The following SEC14L1 variants were observed in gnomAD, a reference collection of about 807,000 sequenced individuals.
The protein encoded by SEC14L1 is SEC14-like protein 1.
Under a neutral mutation model 85.3 loss-of-function variants are expected in SEC14L1, and 48 were observed. That is an observed-to-expected ratio of 0.56 (90% confidence interval 0.45 to 0.72). The LOEUF is 0.72. SEC14L1 is among the 30% of genes least tolerant of loss of function. SEC14L1 has a pLI of 0.00. For synonymous variants in SEC14L1, 391 were observed against 355.5 expected (o/e 1.10, Z -1.12); for missense variants, 682 against 921.4 (o/e 0.74, Z 3.36).
At position 77,215,552 on chromosome 17, in the gene SEC14L1, G is replaced by A. The variant is rs1029500261; in HGVS notation, c.*1529G>A. ...GGATCAGGAGGGCGGGGGAGGGACCGAGCAGCCCTCTTGCCCGGTCGGGTC... is the reference window on the plus strand; with the variant it reads ...GGATCAGGAGGGCGGGGGAGGGACCAAGCAGCCCTCTTGCCCGGTCGGGTC... On this transcript the variant is annotated 3_prime_UTR_variant, in exon 17 of 17. Transcript: ENST00000436233. 1.1e-5 allele frequency: 11 copies of A among 986,664 alleles called. No homozygotes were observed. In the African/African-American group the frequency reaches 1.2e-4, roughly 11 times the overall value. 61.1% of individuals were successfully genotyped at this position (986,664 alleles called of 1,614,324 possible). A position where few individuals can be genotyped will look rare whatever the true frequency, so the allele number is the denominator to read the frequency against.
In SEC14L1 at chr17:77,123,880, C is replaced by T. The variant is rs117469627; in HGVS notation, c.-135-18766C>T. Among the ~76,000 whole-genome samples, 180 of 152,272 alleles carry T rather than the reference C, an allele frequency of 1.2e-3. 1 individual carries two copies. Among genetic ancestry groups the T allele is most frequent in the East Asian group, 3.9e-3 (20 of 5,182 alleles). The stretch of plus-strand genomic sequence containing the variant: ...TGTAGCGAAACGGATGCCATGTAGA[C>T]GGTCTGTGTGTCCTCTATGGCAGAT... On this transcript the variant is annotated intron_variant, in intron 3 of 19. Transcript: ENST00000392476.
chr17:77,104,820 T>TTTG (rs1971870841), intron 3 of SEC14L1, among the ~76,000 whole-genome samples: 2 of 150,574 alleles, frequency 1.3e-5, no homozygotes, highest in African/African-American at 4.9e-5. Flanking sequence ...AAGTTTTTTT[T>TTTG]TGTGTGTGTG....
intron 3 of SEC14L1, among the ~76,000 whole-genome samples, chr17:77,107,513 A>G (rs1229880044): frequency 2.0e-5 from 3 of 152,210 alleles, no homozygotes; most frequent in African/African-American, 4.8e-5. Flanking sequence ...CTAGTTAATG[A>G]AGACATAGAT....
At chr17:77,108,717 C>T (rs755147111) in intron 3 of SEC14L1, among the ~76,000 whole-genome samples, 13 of 145,422 alleles carry the variant, frequency 8.9e-5, no homozygotes, top group Non-Finnish European at 1.6e-4. Context: ...CCAGTGTGGC[C>T]GACAGAGCCA....
In SEC14L1 at chr17:77,215,737, G is replaced by A. The variant is rs945673116; in HGVS notation, c.*1714G>A. 5 of 988,376 alleles carry A rather than the reference G, an allele frequency of 5.1e-6. No homozygotes were observed. Among genetic ancestry groups the A allele is most frequent in the Admixed American group, 5.9e-5 (1 of 16,922 alleles). 61.2% of individuals were successfully genotyped at this position (988,376 alleles called of 1,614,324 possible). On this transcript the variant is annotated 3_prime_UTR_variant, in exon 17 of 17. Transcript: ENST00000436233. Reference sequence around the variant, plus strand: ...GCGGTAGGGTTCGTAGGTAGGGCTAGTAGGTAGGGTTAGTAGGTAGGGCTA... The same window carrying A: ...GCGGTAGGGTTCGTAGGTAGGGCTAATAGGTAGGGTTAGTAGGTAGGGCTA...
chr17:77,169,419 A>G (rs1974433516), intron 3 of SEC14L1, among the ~76,000 whole-genome samples: 1 of 152,168 alleles, frequency 6.6e-6, no homozygotes, highest in Non-Finnish European at 1.5e-5. Context: ...GAGACTTACC[A>G]TGCAGCTTAT....
chr17:77,203,153 T>C (rs759212760), intron 9 of SEC14L1, among the ~76,000 whole-genome samples: 1 of 152,180 alleles, frequency 6.6e-6, no homozygotes, highest in African/African-American at 2.4e-5. Flanking sequence ...ATAGAAAAAG[T>C]GTCTGGATAG....
intron 3 of SEC14L1, among the ~76,000 whole-genome samples, chr17:77,131,383 C>T (rs886823258): frequency 6.6e-6 from 1 of 152,168 alleles, no homozygotes; most frequent in African/African-American, 2.4e-5. Flanking sequence ...GATTCCCCAG[C>T]CTCAGCCTCC....
intron 6 of SEC14L1, 56 bp downstream of exon 6, chr17:77,193,605 C>T: frequency 6.5e-7 from 1 of 1,549,524 alleles, no homozygotes; most frequent in Admixed American, 1.8e-5. Flanking sequence ...CTGAGATGAC[C>T]ATCTTTTTGG....
In SEC14L1 at chr17:77,203,557, CCCT is replaced by C. The variant is rs1567931384; in HGVS notation, c.1010-8_1010-6del. ...GATGGTGCTGACAACTCATTCCTTCCCCTCCTCTGCAGATGGGCGGCCCCTCTA... is the reference window on the plus strand; with the variant it reads ...GATGGTGCTGACAACTCATTCCTTCCCCTCTGCAGATGGGCGGCCCCTCTA... On this transcript the variant is annotated splice_polypyrimidine_tract_variant and intron_variant, in intron 9 of 16. Coordinates refer to ENST00000436233, the MANE Select transcript of SEC14L1 (RefSeq NM_001143998.2). The C allele has an allele frequency of 6.2e-7, 1 of 1,611,776 alleles. No individual in the cohort carries two copies.
At chr17:77,204,077 C>G (rs1443801876) in intron 10 of SEC14L1, among the ~76,000 whole-genome samples, 1 of 152,190 alleles carries the variant, frequency 6.6e-6, no homozygotes. Flanking sequence ...TCCAGCCAGG[C>G]CCCGCTCCAC....
At chr17:77,096,605 G>T (rs752684561) in intron 3 of SEC14L1, among the ~76,000 whole-genome samples, 3 of 151,816 alleles carry the variant, frequency 2.0e-5, no homozygotes, top group Non-Finnish European at 4.4e-5. Flanking sequence ...AAAAGGTATA[G>T]AAATTAAAGA....
At chr17:77,115,916 CTT>C (rs377514435) in intron 3 of SEC14L1, among the ~76,000 whole-genome samples, 151 of 144,464 alleles carry the variant, frequency 1.0e-3, no homozygotes, top group Middle Eastern at 7.1e-3. Flanking sequence ...TTTGACTCTC[CTT>C]TTTTTTTTTT....
intron 3 of SEC14L1, among the ~76,000 whole-genome samples, chr17:77,180,398 T>C (rs1974978133): frequency 6.6e-6 from 1 of 151,916 alleles, no homozygotes; most frequent in African/African-American, 2.4e-5. Context: ...GGCTTGTTTT[T>C]AATTTTAGTA....
chr17:77,211,884 A>T (rs2280269), intron 14 of SEC14L1, 66 bp from the exon 15 acceptor site: 7 of 1,582,782 alleles, frequency 4.4e-6, no homozygotes, highest in Non-Finnish European at 6.0e-6. Context: ...GGAGAGCACG[A>T]TGCGCTCGCA....
intron 14 of SEC14L1, chr17:77,209,787 T>G (rs1976657708): frequency 4.1e-6 from 1 of 245,850 alleles, no homozygotes; most frequent in African/African-American, 2.2e-5. Flanking sequence ...GTTGGAGCAC[T>G]TAACTCCTGA....
intron 3 of SEC14L1, among the ~76,000 whole-genome samples, chr17:77,129,074 G>T (rs1444331969): frequency 2.6e-5 from 4 of 152,092 alleles, no homozygotes; most frequent in African/African-American, 9.7e-5. Flanking sequence ...AAATATAGAC[G>T]ATGTTGCTGG....
chr17:77,168,790 A>G (rs1427513565), intron 3 of SEC14L1, among the ~76,000 whole-genome samples: 1 of 152,112 alleles, frequency 6.6e-6, no homozygotes, highest in East Asian at 1.9e-4. Context: ...TATCCCTTTA[A>G]TGGCATCGTC....
chr17:77,200,455 T>G, intron 8 of SEC14L1, 29 bp from the exon 9 acceptor site: 1 of 1,595,384 alleles, frequency 6.3e-7, no homozygotes, highest in Non-Finnish European at 8.6e-7. Flanking sequence ...CTTTTAACAT[T>G]GCTTAGAAAT....
Sources: gnomAD v4.1 joint callset for allele counts (sites outside exome capture counted in the v4.1 genomes callset) on GRCh38, gnomAD v4.1.1 for gene constraint, MANE v1.5 for transcripts, NCBI Gene and HGNC (gene_info 2026-07-23, HGNC 2026-07-21) for gene names.